PEX5L: variants seen among roughly 807,000 people sequenced by gnomAD.
The protein encoded by PEX5L is peroxisomal biogenesis factor 5 like.
PEX5L carries 30 observed loss-of-function variants against 84.0 expected under a neutral mutation model. The ratio of observed to expected loss-of-function variants is 0.36; its 90% CI spans 0.27 to 0.48. The LOEUF (loss-of-function observed/expected upper bound fraction) is 0.48. Among genes scored for constraint, PEX5L ranks in the 20% least tolerant of loss-of-function variants. The probability of loss-of-function intolerance (pLI) is 0.99; values close to 1 mark genes in which losing one functional copy is unlikely to be tolerated. For synonymous variants in PEX5L, 270 were observed against 283.1 expected, an observed-to-expected ratio of 0.95 and a Z score of 0.46; for missense variants, 533 against 754.6, an observed-to-expected ratio of 0.71 and a Z score of 3.44.
chr3:179,981,617 G>A (rs535985637), intron 1 of PEX5L, among the ~76,000 whole-genome samples: 6 of 152,084 alleles, frequency 3.9e-5, no homozygotes, highest in Non-Finnish European at 7.3e-5. Context: ...GCCTACAACA[G>A]ACACATCCTA....
chr3:180,010,111 T>C (rs1789298389), intron 1 of PEX5L, among the ~76,000 whole-genome samples: 1 of 151,668 alleles, frequency 6.6e-6, no homozygotes, highest in South Asian at 2.1e-4. Context: ...GTCTGGCTAC[T>C]TTTTTTTGTA....
intron 2 of PEX5L, among the ~76,000 whole-genome samples, chr3:179,962,646 A>C (rs2037635): frequency 0.76 from 115,289 of 152,062 alleles, 44,059 homozygotes; most frequent in East Asian, 0.96. Context: ...TAATATTTAC[A>C]GTTCTTATTT....
chr3:179,834,843 T>G (rs1734378081), intron 8 of PEX5L, among the ~76,000 whole-genome samples: 1 of 152,228 alleles, frequency 6.6e-6, no homozygotes. Flanking sequence ...ACCCAGAATT[T>G]ATAAATATGA....
At chr3:179,906,559 AT>A (rs1192281485) in intron 2 of PEX5L, among the ~76,000 whole-genome samples, 2 of 152,160 alleles carry the variant, frequency 1.3e-5, no homozygotes, top group South Asian at 2.1e-4. Flanking sequence ...ATGTTGTTTT[AT>A]TTTTTATATG....
At chr3:179,993,061 A>G (rs750645603) in intron 1 of PEX5L, among the ~76,000 whole-genome samples, 4 of 152,146 alleles carry the variant, frequency 2.6e-5, no homozygotes, top group African/African-American at 4.8e-5. Context: ...CAAGAGTAAC[A>G]TGTTCACTAT....
At chr3:179,903,686 T>C (rs576572281) in intron 2 of PEX5L, among the ~76,000 whole-genome samples, 1 of 152,270 alleles carries the variant, frequency 6.6e-6, no homozygotes, top group East Asian at 1.9e-4. Context: ...AATGTCAAAG[T>C]TAGTGTCGTA....
intron 3 of PEX5L, among the ~76,000 whole-genome samples, chr3:179,889,463 T>C (rs917361954): frequency 6.6e-5 from 10 of 152,236 alleles, no homozygotes; most frequent in African/African-American, 2.4e-4. Flanking sequence ...GATTTCAATA[T>C]AGAGTTGGTA....
chr3:179,851,668 C>A lies in PEX5L; in HGVS notation c.822+7394G>T, dbSNP rs994796218. The stretch of plus-strand genomic sequence containing the variant: ...GAGGGTTGTGCCCTCTGCAATAGGA[C>A]ATATAAACGGAAGGTTAGAAAGCTG... On this transcript the variant is annotated intron_variant, in intron 8 of 14. Coordinates refer to ENST00000467460, the MANE Select transcript of PEX5L (RefSeq NM_016559.3). 3.3e-5 allele frequency among the ~76,000 whole-genome samples: 5 copies of A among 152,084 alleles called. No individual in the cohort carries two copies. In the East Asian group the frequency reaches 9.6e-4, roughly 29 times the overall value.
intron 2 of PEX5L, among the ~76,000 whole-genome samples, chr3:179,955,466 T>C (rs1423569234): frequency 2.0e-5 from 3 of 146,574 alleles, no homozygotes; most frequent in Admixed American, 7.0e-5. Context: ...TCACTATGAG[T>C]TCTGCTATGC....
At chr3:179,888,273 A>G (rs1756528204) in intron 3 of PEX5L, 2 of 656,286 alleles carry the variant, frequency 3.0e-6, no homozygotes, top group Non-Finnish European at 2.4e-6. Context: ...CCCTCTCTTA[A>G]AAAGCTCAGG....
chr3:180,020,311 C>A (rs959236701), intron 1 of PEX5L, among the ~76,000 whole-genome samples: 3 of 151,882 alleles, frequency 2.0e-5, no homozygotes, highest in African/African-American at 7.3e-5. Flanking sequence ...TAACATTGGT[C>A]TAATTTTATC....
intron 1 of PEX5L, among the ~76,000 whole-genome samples, chr3:180,027,227 C>T (rs560728262): frequency 3.3e-5 from 5 of 152,218 alleles, no homozygotes; most frequent in Non-Finnish European, 7.3e-5. Context: ...GGGGTCCACA[C>T]TGACCTGTTC....
At chr3:179,897,893 TTC>T (rs1361219272) in intron 3 of PEX5L, among the ~76,000 whole-genome samples, 1 of 152,282 alleles carries the variant, frequency 6.6e-6, no homozygotes, top group African/African-American at 2.4e-5. Context: ...TGCACATATA[TTC>T]TCTTTCTCTT....
At chr3:179,836,152 C>A (rs1450530259) in intron 8 of PEX5L, among the ~76,000 whole-genome samples, 1 of 152,146 alleles carries the variant, frequency 6.6e-6, no homozygotes, top group African/African-American at 2.4e-5. Context: ...AACTCTGAAT[C>A]CAAGGGCCAG....
At chr3:179,973,871 C>T in intron 1 of PEX5L, 1 of 985,484 alleles carries the variant, frequency 1.0e-6, no homozygotes, top group Non-Finnish European at 1.2e-6. Context: ...TGTACTTAAA[C>T]CTCTAGTCTC....
Position 179,815,288 on chromosome 3 carries a change from T to C in PEX5L, c.1083+573A>G, listed in dbSNP as rs975753424. Among the ~76,000 whole-genome samples the C allele has an allele frequency of 1.2e-4, 18 of 152,196 alleles. No homozygotes were observed. The East Asian group carries it at 3.5e-3, about 29-fold the overall frequency. Reference sequence around the variant, plus strand: ...CCTTGAAAACTACCGCTATATACTGTCCCTTGAAATCTACCGCTGGGCGCG... The same window carrying C: ...CCTTGAAAACTACCGCTATATACTGCCCCTTGAAATCTACCGCTGGGCGCG... On this transcript the variant is annotated intron_variant, in intron 10 of 14. Coordinates refer to ENST00000467460, the MANE Select transcript of PEX5L (RefSeq NM_016559.3).
intron 5 of PEX5L, among the ~76,000 whole-genome samples, chr3:179,879,615 G>C (rs1005244451): frequency 9.2e-5 from 14 of 152,326 alleles, no homozygotes; most frequent in African/African-American, 3.4e-4. Context: ...ATCCTGGACT[G>C]AGTGCTCCTA....
Position 179,801,635 on chromosome 3 carries a change from A to G in PEX5L, c.*193T>C. The G allele has an allele frequency of 1.7e-6, 1 of 583,636 alleles. No individual in the cohort carries two copies. The highest frequency in any genetic ancestry group is 2.2e-5 in the South Asian group (1 of 45,784). 36.2% of individuals were successfully genotyped at this position (583,636 alleles called of 1,614,324 possible). A position where few individuals can be genotyped will look rare whatever the true frequency, so the allele number is the denominator to read the frequency against. ...TTCTTTTGAGCCTGACTTTGACTCT[A>G]TATACAACATTTTGTGCTTTTGGAT... On this transcript the variant is annotated 3_prime_UTR_variant, in exon 15 of 15. Coordinates refer to ENST00000467460, the MANE Select transcript of PEX5L (RefSeq NM_016559.3).
intron 8 of PEX5L, among the ~76,000 whole-genome samples, chr3:179,854,694 T>C (rs947095100): frequency 1.3e-5 from 2 of 152,192 alleles, no homozygotes; most frequent in Non-Finnish European, 2.9e-5. Flanking sequence ...TAACATTAAT[T>C]AATGAATGAA....
Sources: gnomAD v4.1 joint callset for allele counts (sites outside exome capture counted in the v4.1 genomes callset) on GRCh38, gnomAD v4.1.1 for gene constraint, MANE v1.5 for transcripts, NCBI Gene and HGNC (gene_info 2026-07-23, HGNC 2026-07-21) for gene names.